The following EFCAB8 variants were observed in gnomAD, a reference collection of about 807,000 sequenced individuals.
The protein encoded by EFCAB8 is EF-hand calcium-binding domain-containing protein 8.
Under a neutral mutation model 116.3 loss-of-function variants are expected in EFCAB8, and 100 were observed. The ratio of observed to expected loss-of-function variants is 0.86; its 90% CI spans 0.73 to 1.02. The LOEUF (loss-of-function observed/expected upper bound fraction) is 1.02. Ranked by LOEUF, EFCAB8 falls within the 50% of genes least tolerant of loss-of-function variation. EFCAB8 has a pLI of 0.00. For missense variants in EFCAB8, 1,320 were observed against 1,416.9 expected, an observed-to-expected ratio of 0.93 and a Z score of 1.10; for synonymous variants, 558 against 567.9, an observed-to-expected ratio of 0.98 and a Z score of 0.25.
At chr20:32,862,812 A>G (rs1465763211) in intron 1 of EFCAB8, among the ~76,000 whole-genome samples, 1 of 151,752 alleles carries the variant, frequency 6.6e-6, no homozygotes, top group African/African-American at 2.4e-5. Flanking sequence ...TATTTTTAGT[A>G]GAGACAGGGT....
Position 32,931,201 on chromosome 20 carries a change from C to T in EFCAB8, c.2655C>T (p.Cys885=), listed in dbSNP as rs973837851. The change falls in exon 22 of 27, where the codon TGC becomes TGT. Residue 885 remains cysteine (C), a synonymous_variant. Coordinates refer to ENST00000400522, the MANE Select transcript of EFCAB8 (RefSeq NM_001143967.2). ...AGATCTGGGACATCAAGGATTACTG[C>T]GCATTGATTGATAAACAGCCATTCC... ...YIKIWDIKDY[C]ALIDKQPFQS... 1.3e-5 allele frequency: 20 copies of T among 1,548,424 alleles called. No individual in the cohort carries two copies. The highest frequency in any genetic ancestry group is 4.1e-5 in the African/African-American group (3 of 72,966).
At chr20:32,959,658 G>A (rs994490481) in intron 24 of EFCAB8, 120 bp from the exon 25 acceptor site, 1 of 727,750 alleles carries the variant, frequency 1.4e-6, no homozygotes, top group African/African-American at 1.8e-5. Flanking sequence ...TCTGGCCTGA[G>A]GGAGGGATGG....
intron 20 of EFCAB8, among the ~76,000 whole-genome samples, chr20:32,923,401 G>T (rs1426677711): frequency 6.7e-6 from 1 of 149,910 alleles, no homozygotes; most frequent in Non-Finnish European, 1.5e-5. Flanking sequence ...CAGGAGAATT[G>T]ATTGAACCCG....
intron 22 of EFCAB8, among the ~76,000 whole-genome samples, chr20:32,939,133 TTCTTTCTTTCTTTCTTTC>T (rs1240299573): frequency 9.7e-5 from 2 of 20,676 alleles, no homozygotes; most frequent in Non-Finnish European, 1.8e-4. Context: ...TTCTCTTTCT[TTCTTTCTTTCTTTCTTTC>T]TTTCTTTCTT....
At chr20:32,907,165 G>C in intron 13 of EFCAB8, 171 bp downstream of exon 13, 1 of 979,814 alleles carries the variant, frequency 1.0e-6, no homozygotes, top group Non-Finnish European at 1.2e-6. Context: ...CATGTCCCCA[G>C]AGCTGGGTTC....
chr20:32,911,723 C>G lies in EFCAB8; in HGVS notation c.1785+16C>G, dbSNP rs892224370. Reference sequence around the variant, plus strand: ...ACAGCTGGAGGTCAGTCTTGCTTGTCAATTACAGCCAGGGACGGCCTCTTG... The same window carrying G: ...ACAGCTGGAGGTCAGTCTTGCTTGTGAATTACAGCCAGGGACGGCCTCTTG... On this transcript the variant is annotated intron_variant, in intron 16 of 26. Coordinates refer to ENST00000400522, the MANE Select transcript of EFCAB8 (RefSeq NM_001143967.2). 6.4e-7 allele frequency: 1 copy of G among 1,550,806 alleles called. No homozygotes were observed. The highest frequency in any genetic ancestry group is 1.4e-5 in the African/African-American group (1 of 73,042).
At chr20:32,939,002 C>A in intron 22 of EFCAB8, among the ~76,000 whole-genome samples, 1 of 106,690 alleles carries the variant, frequency 9.4e-6, no homozygotes, top group Non-Finnish European at 1.9e-5. Context: ...CCTTCCTTCC[C>A]TCCTTCCCTC....
chr20:32,862,788 C>T lies in EFCAB8; in HGVS notation c.-10-995C>T, dbSNP rs574271079. 3.3e-5 allele frequency among the ~76,000 whole-genome samples: 5 copies of T among 152,022 alleles called. No individual in the cohort carries two copies. The East Asian group carries it at 5.8e-4, about 18-fold the overall frequency. On this transcript the variant is annotated intron_variant, in intron 1 of 26. Coordinates refer to ENST00000400522, the MANE Select transcript of EFCAB8 (RefSeq NM_001143967.2). ...GATTACAGGAACCTGCCACCAAACC[C>T]GGCTAATTTTTTATATTTTTAGTAG...
At chr20:32,914,900 A>AT (rs34379554) in intron 17 of EFCAB8, among the ~76,000 whole-genome samples, 33,481 of 149,318 alleles carry the variant, frequency 0.22, 4,011 homozygotes, top group Non-Finnish European at 0.25. Flanking sequence ...TTCTGCTTCC[A>AT]TTTTTTTTTT....
At chr20:32,863,957 T>C in intron 2 of EFCAB8, 123 bp downstream of exon 2, 4 of 1,101,168 alleles carry the variant, frequency 3.6e-6, no homozygotes, top group Non-Finnish European at 5.1e-6. Context: ...TACTCAGATA[T>C]TTACTGGGCA....
chr20:32,898,611 C>T lies in EFCAB8; in HGVS notation c.1076C>T (p.Ser359Phe). The T allele has an allele frequency of 1.4e-6, 1 of 718,604 alleles. No individual in the cohort carries two copies. The allele number at this position is 718,604 out of a possible 1,614,324, so 44.5% of individuals were successfully genotyped here. A position where few individuals can be genotyped will look rare whatever the true frequency, so the allele number is the denominator to read the frequency against. ...LVLTILPAKA[S>F]KKPRLSVLRL... ...CTGACAATATTGCCAGCCAAAGCCT[C>T]TAAGAAACCCAGGTAAGAAGTGCTT... Residue 359 changes from serine (S) to phenylalanine (F), a missense_variant, in exon 11 of 27, where the codon TCT (serine) becomes TTT (phenylalanine). Ser to Phe is a radical substitution (Grantham distance 155, BLOSUM62 -2). Transcript: ENST00000400522.
chr20:32,941,738 A>G (rs781342475), intron 22 of EFCAB8, among the ~76,000 whole-genome samples: 52 of 152,154 alleles, frequency 3.4e-4, no homozygotes, highest in Non-Finnish European at 6.8e-4. Context: ...ACTACTGGGT[A>G]AAGAGTTTCT....
At chr20:32,887,057 T>A (rs1335331837) in intron 6 of EFCAB8, among the ~76,000 whole-genome samples, 1 of 152,090 alleles carries the variant, frequency 6.6e-6, no homozygotes, top group Non-Finnish European at 1.5e-5. Context: ...TCCATTGTCT[T>A]CACCGCCAGA....
Position 32,876,977 on chromosome 20 carries a change from A to AG in EFCAB8, c.327+933_327+934insG, listed in dbSNP as rs1396331349. On this transcript the variant is annotated intron_variant, in intron 4 of 26. Coordinates refer to ENST00000400522, the MANE Select transcript of EFCAB8 (RefSeq NM_001143967.2). Reference sequence around the variant, plus strand: ...AGTGAGACCATGTCTCAGGAAAAAAACAAAACAAAACAAAAAACTTACCTC... The same window carrying AG: ...AGTGAGACCATGTCTCAGGAAAAAAAGCAAAACAAAACAAAAAACTTACCTC... Among the ~76,000 whole-genome samples the AG allele has an allele frequency of 2.6e-5, 4 of 152,180 alleles. No homozygotes were observed. In the East Asian group the frequency reaches 5.8e-4, roughly 22 times the overall value.
intron 8 of EFCAB8, 76 bp downstream of exon 8, chr20:32,892,373 G>A: frequency 2.1e-6 from 3 of 1,435,882 alleles, no homozygotes; most frequent in East Asian, 2.5e-5. Flanking sequence ...ACTGACTAGG[G>A]TTGGGGCCCC....
In EFCAB8 at chr20:32,878,685, G is replaced by A. The variant is rs536376995; in HGVS notation, c.328-19G>A. 2 of 1,548,008 alleles carry A rather than the reference G, an allele frequency of 1.3e-6. No homozygotes were observed. The highest frequency in any genetic ancestry group is 2.4e-5 in the South Asian group (2 of 83,968). ...ATTTTGCCAATACCCTGCCTCCCTT[G>A]TGCTTTCTTTCGAGGCAGCAAAAGT... On this transcript the variant is annotated intron_variant, in intron 4 of 26. Transcript: ENST00000400522.
At chr20:32,885,434 GT>G (rs1017557288) in intron 5 of EFCAB8, 70 bp from the exon 6 acceptor site, 2 of 1,536,268 alleles carry the variant, frequency 1.3e-6, no homozygotes, top group African/African-American at 2.8e-5. Flanking sequence ...GTGGCTCTCT[GT>G]TCTGCCGCAG....
At chr20:32,960,891 G>T (rs144977934) in intron 26 of EFCAB8, among the ~76,000 whole-genome samples, 7 of 152,230 alleles carry the variant, frequency 4.6e-5, no homozygotes, top group Non-Finnish European at 1.0e-4. Context: ...CTGCTCGCCA[G>T]CTCACAGAGT....
At chr20:32,876,334 C>T (rs1984972503) in intron 4 of EFCAB8, among the ~76,000 whole-genome samples, 1 of 152,230 alleles carries the variant, frequency 6.6e-6, no homozygotes, top group Admixed American at 6.5e-5. Context: ...TGCCCACCAA[C>T]CTCCCATTTG....
Sources: gnomAD v4.1 joint callset for allele counts (sites outside exome capture counted in the v4.1 genomes callset) on GRCh38, gnomAD v4.1.1 for gene constraint, MANE v1.5 for transcripts, NCBI Gene and HGNC (gene_info 2026-07-23, HGNC 2026-07-21) for gene names.